Variants in ELAVL1 observed in about 807,000 individuals in gnomAD.
The protein encoded by ELAVL1 is ELAV-like protein 1.
In ELAVL1, 1 loss-of-function variant was observed where a neutral mutation model predicts 28.4. That is an observed-to-expected ratio of 0.04 (90% CI 0.01 to 0.17). The LOEUF (loss-of-function observed/expected upper bound fraction) is 0.17, where lower values mean the gene tolerates loss of function less well. Among genes scored for constraint, ELAVL1 ranks in the 10% least tolerant of loss-of-function variants. The pLI is 1.00. For missense variants in ELAVL1, 157 were observed against 447.2 expected, an observed-to-expected ratio of 0.35 and a Z score of 5.85; for synonymous variants, 174 against 183.5, an observed-to-expected ratio of 0.95 and a Z score of 0.42.
chr19:8,000,788 C>T (rs1378785229), intron 1 of ELAVL1, among the ~76,000 whole-genome samples: 2 of 152,252 alleles, frequency 1.3e-5, no homozygotes, highest in Non-Finnish European at 2.9e-5. Flanking sequence ...GGAGCAGCTC[C>T]AGCTAAGTGA....
At position 7,979,983 on chromosome 19, in the gene ELAVL1, CTA is replaced by C. The variant is rs995699328; in HGVS notation, c.276+1098_276+1099del. Among the ~76,000 whole-genome samples the C allele has an allele frequency of 3.3e-5, 5 of 152,172 alleles. No homozygotes were observed. Among genetic ancestry groups the C allele is most frequent in the Non-Finnish European group, 7.4e-5 (5 of 68,004 alleles). ...GGAGGCCCCCCTGTGACCATGGAAT[CTA>C]TATGTTACAGCTCCCCAGGAGGCCC... On this transcript the variant is annotated intron_variant, in intron 3 of 5. Coordinates refer to ENST00000407627, the MANE Select transcript of ELAVL1 (RefSeq NM_001419.3). The surrounding 1 kb of genome is among the most constrained non-coding windows in gnomAD (Gnocchi z 5.4).
chr19:7,969,295 A>C (rs964247484), intron 4 of ELAVL1, among the ~76,000 whole-genome samples: 2 of 152,242 alleles, frequency 1.3e-5, no homozygotes, highest in African/African-American at 4.8e-5. Flanking sequence ...AACAACGACC[A>C]AAGCCAGGCA....
chr19:7,973,699 C>T (rs1339949044), intron 4 of ELAVL1, 26 bp downstream of exon 4: 1 of 1,605,000 alleles, frequency 6.2e-7, no homozygotes, highest in East Asian at 2.2e-5. Flanking sequence ...AACACCCTCC[C>T]CACGCGTCTG....
At chr19:8,000,105 C>CG (rs1180283708) in intron 1 of ELAVL1, among the ~76,000 whole-genome samples, 14 of 151,568 alleles carry the variant, frequency 9.2e-5, no homozygotes, top group Admixed American at 4.6e-4. Flanking sequence ...GAGGCGGGGG[C>CG]GGGGGGGTGT....
At position 7,960,610 on chromosome 19, in the gene ELAVL1, C is replaced by T. The variant is rs1402749339; in HGVS notation, c.*2873G>A. On this transcript the variant is annotated 3_prime_UTR_variant, in exon 6 of 6. Coordinates refer to ENST00000407627, the MANE Select transcript of ELAVL1 (RefSeq NM_001419.3). ...AAATTCGGAGCTGCCTGGGGTCTAA[C>T]TACCAGAGGAAGTTACACACGGGTC... 6.5e-6 allele frequency: 1 copy of T among 152,744 alleles called. No individual in the cohort carries two copies. The highest frequency in any genetic ancestry group is 2.4e-5 in the African/African-American group (1 of 41,572). The allele number at this position is 152,744 out of a possible 1,614,324, so 9.5% of individuals were successfully genotyped here. A position where few individuals can be genotyped will look rare whatever the true frequency, so the allele number is the denominator to read the frequency against.
rs569637020 is a variant in ELAVL1 at position 7,986,008 on chromosome 19, C to T, written c.173-4822G>A. ...ATGGTTGCCTTACTGGGCACCCATA[C>T]ACCGCCCACACTGGGCAAACACTGG... On this transcript the variant is annotated intron_variant, in intron 2 of 5. Coordinates refer to ENST00000407627, the MANE Select transcript of ELAVL1 (RefSeq NM_001419.3). Among the ~76,000 whole-genome samples, 5 of 152,370 alleles carry T rather than the reference C, an allele frequency of 3.3e-5. No homozygotes were observed. In the South Asian group the frequency reaches 1.0e-3, roughly 32 times the overall value.
chr19:7,992,635 G>A (rs1369471377), intron 1 of ELAVL1, among the ~76,000 whole-genome samples: 1 of 152,106 alleles, frequency 6.6e-6, no homozygotes. Flanking sequence ...GGGTTTTAGG[G>A]CAGTGAAACT....
intron 1 of ELAVL1, among the ~76,000 whole-genome samples, chr19:8,003,424 G>A (rs1407111940): frequency 6.7e-6 from 1 of 149,624 alleles, no homozygotes; most frequent in African/African-American, 2.5e-5. Flanking sequence ...CGGGCGCGGT[G>A]GCTCACGCCT....
intron 2 of ELAVL1, among the ~76,000 whole-genome samples, chr19:7,990,242 G>C (rs1016084636): frequency 6.6e-6 from 1 of 151,906 alleles, no homozygotes; most frequent in Admixed American, 6.6e-5. Flanking sequence ...GGCTGGTCTC[G>C]AACTCCTGAC....
chr19:7,983,735 T>G (rs1985527089), intron 2 of ELAVL1, among the ~76,000 whole-genome samples: 1 of 152,142 alleles, frequency 6.6e-6, no homozygotes, highest in East Asian at 1.9e-4. Flanking sequence ...CAATGCCCGT[T>G]CCTGTGTCCT....
intron 1 of ELAVL1, among the ~76,000 whole-genome samples, chr19:8,004,922 A>G (rs959472913): frequency 2.6e-5 from 4 of 152,066 alleles, no homozygotes; most frequent in Non-Finnish European, 5.9e-5. Flanking sequence ...CTAACGTCCC[A>G]CGCCCCACAA....
Position 7,963,263 on chromosome 19 carries a change from G to A in ELAVL1, c.*220C>T. 1.7e-6 allele frequency: 1 copy of A among 572,470 alleles called. No homozygotes were observed. 35.5% of individuals were successfully genotyped at this position (572,470 alleles called of 1,614,324 possible). Reference sequence around the variant, plus strand: ...ATTTCTGTTTAATATATATCTTAAAGGAAATAACTTACGAAACTTAAGATT... The same window carrying A: ...ATTTCTGTTTAATATATATCTTAAAAGAAATAACTTACGAAACTTAAGATT... On this transcript the variant is annotated 3_prime_UTR_variant, in exon 6 of 6. Coordinates refer to ENST00000407627, the MANE Select transcript of ELAVL1 (RefSeq NM_001419.3). The surrounding 1 kb of genome is among the most constrained non-coding windows in gnomAD (Gnocchi z 4.5).
intron 4 of ELAVL1, among the ~76,000 whole-genome samples, chr19:7,971,889 CA>C (rs1336214536): frequency 1.3e-5 from 2 of 152,234 alleles, no homozygotes; most frequent in African/African-American, 4.8e-5. Flanking sequence ...GCACGCAGCT[CA>C]GGGGACGCAG....
intron 5 of ELAVL1, among the ~76,000 whole-genome samples, chr19:7,965,678 C>T (rs1442411964): frequency 6.6e-6 from 1 of 152,166 alleles, no homozygotes; most frequent in African/African-American, 2.4e-5. Flanking sequence ...GAAATGTCCA[C>T]TTCTCCGGTT....
intron 1 of ELAVL1, among the ~76,000 whole-genome samples, chr19:7,996,220 C>T (rs1269058365): frequency 3.4e-5 from 5 of 148,824 alleles, no homozygotes; most frequent in Non-Finnish European, 5.9e-5. Flanking sequence ...CTTGCTCTGT[C>T]ACCCAGGCTG....
At chr19:7,993,086 A>C (rs1985793980) in intron 1 of ELAVL1, among the ~76,000 whole-genome samples, 2 of 152,212 alleles carry the variant, frequency 1.3e-5, no homozygotes, top group Admixed American at 1.3e-4. Flanking sequence ...ATTTAAAAAA[A>C]ATTTTATTCA....
intron 4 of ELAVL1, among the ~76,000 whole-genome samples, chr19:7,968,870 G>A (rs1985028327): frequency 1.3e-5 from 2 of 152,202 alleles, no homozygotes; most frequent in Non-Finnish European, 2.9e-5. Flanking sequence ...CTGGATGAGG[G>A]GGATGGGGAT....
intron 3 of ELAVL1, among the ~76,000 whole-genome samples, chr19:7,980,834 C>G (rs1985441398): frequency 6.6e-6 from 1 of 152,124 alleles, no homozygotes; most frequent in Non-Finnish European, 1.5e-5. Context: ...ACACAGAGAG[C>G]CAGGCAGGAG....
intron 4 of ELAVL1, 124 bp downstream of exon 4, chr19:7,973,601 G>T: frequency 1.7e-6 from 2 of 1,208,704 alleles, no homozygotes; most frequent in Non-Finnish European, 2.3e-6. Flanking sequence ...TTCTCATTTT[G>T]GTGCTGTCCT....
Sources: gnomAD v4.1 joint callset for allele counts (sites outside exome capture counted in the v4.1 genomes callset) on GRCh38, gnomAD v4.1.1 for gene constraint, Gnocchi (gnomAD v3.1) non-coding constraint, MANE v1.5 for transcripts, NCBI Gene and HGNC (gene_info 2026-07-23, HGNC 2026-07-21) for gene names.